Variants in PALS1 observed in about 807,000 individuals in gnomAD.
PALS1 encodes protein associated with LIN7 1, MAGUK p55 family member.
Under a neutral mutation model 78.9 loss-of-function variants are expected in PALS1, and 31 were observed. That is an observed-to-expected ratio of 0.39 (90% CI 0.30 to 0.53). PALS1 has a LOEUF of 0.53. Among genes scored for constraint, PALS1 ranks in the 20% least tolerant of loss-of-function variants. The probability of loss-of-function intolerance (pLI) is 0.67; values close to 1 mark genes in which losing one functional copy is unlikely to be tolerated. For missense variants in PALS1, 704 were observed against 826.5 expected, an observed-to-expected ratio of 0.85 and a Z score of 1.82; for synonymous variants, 276 against 270.9, an observed-to-expected ratio of 1.02 and a Z score of -0.18.
intron 9 of PALS1, among the ~76,000 whole-genome samples, chr14:67,315,229 C>A (rs1423221391): frequency 7.3e-6 from 1 of 137,856 alleles, no homozygotes; most frequent in Non-Finnish European, 1.6e-5. Flanking sequence ...ATTAAAATTA[C>A]TTTGTTCTTG....
rs546856864 is a variant in PALS1 at position 67,311,871 on chromosome 14, A to G, written c.1042-656A>G. On this transcript the variant is annotated intron_variant, in intron 8 of 14. Transcript: ENST00000261681. ...GATTTAGTTAATTTTAGTCGTTGATAGTGTGCTTGTTTCATGAACATATCC... is the reference window on the plus strand; with the variant it reads ...GATTTAGTTAATTTTAGTCGTTGATGGTGTGCTTGTTTCATGAACATATCC... The G allele has an allele frequency of 2.6e-5, 4 of 152,582 alleles. No individual in the cohort carries two copies. The South Asian group carries it at 8.3e-4, about 32-fold the overall frequency. The allele number at this position is 152,582 out of a possible 1,614,324, so 9.5% of individuals were successfully genotyped here.
chr14:67,269,194 A>G (rs2084374951), intron 1 of PALS1, among the ~76,000 whole-genome samples: 1 of 152,352 alleles, frequency 6.6e-6, no homozygotes, highest in East Asian at 1.9e-4. Context: ...TGTAGCATGT[A>G]TCACTACTTC....
At chr14:67,301,591 C>T (rs2084933451) in intron 5 of PALS1, 125 bp downstream of exon 5, 1 of 511,374 alleles carries the variant, frequency 2.0e-6, no homozygotes, top group Non-Finnish European at 3.3e-6. Context: ...TTTACAACCC[C>T]ATCTATAACA....
chr14:67,313,895 T>C (rs926499353), intron 9 of PALS1, among the ~76,000 whole-genome samples: 15 of 152,094 alleles, frequency 9.9e-5, no homozygotes, highest in African/African-American at 3.4e-4. Flanking sequence ...CCAAGTCTTA[T>C]TTGTTTTAAA....
Position 67,292,643 on chromosome 14 carries a change from A to C in PALS1, c.500A>C (p.Asn167Thr). Residue 167 changes from asparagine to threonine, a missense_variant, in exon 4 of 15, where the codon AAT (asparagine) becomes ACT (threonine). Asn to Thr is a moderately conservative substitution (Grantham distance 65). Transcript: ENST00000261681. Reference protein sequence around the residue: ...KDFQNAFKIHNAITVHMNKAS... With the variant: ...KDFQNAFKIHTAITVHMNKAS... ...TTCCAGAATGCATTTAAGATACACAATGCCATCACAGTACACATGAACAAG... is the reference window on the plus strand; with the variant it reads ...TTCCAGAATGCATTTAAGATACACACTGCCATCACAGTACACATGAACAAG... The C allele has an allele frequency of 6.2e-7, 1 of 1,613,768 alleles. No homozygotes were observed. Among genetic ancestry groups the C allele is most frequent in the Non-Finnish European group, 8.5e-7 (1 of 1,179,780 alleles).
intron 3 of PALS1, among the ~76,000 whole-genome samples, chr14:67,290,152 T>A (rs1429307856): frequency 6.6e-6 from 1 of 152,192 alleles, no homozygotes; most frequent in African/African-American, 2.4e-5. Context: ...TTTACAGGTT[T>A]AATTTTAGTC....
intron 3 of PALS1, among the ~76,000 whole-genome samples, chr14:67,281,526 T>G (rs2084609160): frequency 6.6e-6 from 1 of 152,102 alleles, no homozygotes; most frequent in Admixed American, 6.5e-5. Context: ...ATTTATTTAT[T>G]AAAATATTCT....
chr14:67,296,585 C>CAAAAAAA lies in PALS1; in HGVS notation c.576+3888_576+3894dup, dbSNP rs374329692. 2.5e-3 allele frequency among the ~76,000 whole-genome samples: 127 copies of CAAAAAAA among 51,010 alleles called. 6 individuals carry two copies. The highest frequency in any genetic ancestry group is 3.8e-3 in the African/African-American group (83 of 21,664). The allele number at this position is 51,010 out of a possible 152,430, so 33.5% of individuals were successfully genotyped here. A position where few individuals can be genotyped will look rare whatever the true frequency, so the allele number is the denominator to read the frequency against. ...TGGGCAACAGAGTGAAACTCTGTCT[C>CAAAAAAA]AAAAAAAAAAAAAAAAAAAAAAAAA... On this transcript the variant is annotated intron_variant, in intron 4 of 14. Coordinates refer to ENST00000261681, the MANE Select transcript of PALS1 (RefSeq NM_022474.4).
At chr14:67,300,476 C>T (rs924485795) in intron 4 of PALS1, among the ~76,000 whole-genome samples, 8 of 151,988 alleles carry the variant, frequency 5.3e-5, no homozygotes, top group Non-Finnish European at 1.0e-4. Context: ...TACAGGCACA[C>T]GCCACCACGC....
rs2085470079 is a variant in PALS1, at chr14:67,332,845, T to A, written c.1917T>A (p.Phe639Leu). The change falls in exon 15 of 15, where the codon TTT becomes TTA. Residue 639 changes from phenylalanine (F) to leucine (L), a missense_variant. Phe to Leu is a conservative substitution (Grantham distance 22). Transcript: ENST00000261681. ...TGGAGCAGAACAATGGCCACTACTT[T>A]GATACGGCAATTGTGAATTCCGATC... is the stretch of plus-strand genomic sequence containing the variant. ...REMEQNNGHY[F>L]DTAIVNSDLD... 1.2e-6 allele frequency: 2 copies of A among 1,613,946 alleles called. No individual in the cohort carries two copies. The highest frequency in any genetic ancestry group is 1.7e-6 in the Non-Finnish European group (2 of 1,179,934).
Position 67,279,395 on chromosome 14 carries a change from A to G in PALS1, c.225A>G (p.Lys75=). The G allele has an allele frequency of 6.2e-7, 1 of 1,613,948 alleles. No individual in the cohort carries two copies. The highest frequency in any genetic ancestry group is 8.5e-7 in the Non-Finnish European group (1 of 1,179,956). The part of the protein sequence containing the change: ...DMRRRREEEG[K]KQELDLNSSM... ...GGCGTAGGAGAGAGGAAGAAGGGAA[A>G]AAGCAAGAACTTGACCTTAATTCTT... Residue 75 remains lysine (K), a synonymous_variant, in exon 3 of 15, where the codon AAA becomes AAG. Coordinates refer to ENST00000261681, the MANE Select transcript of PALS1 (RefSeq NM_022474.4).
Position 67,312,593 on chromosome 14 carries a change from G to A in PALS1, c.1108G>A (p.Gly370Ser). ...DDPYVPCREL[G>S]LSFQKGDILH... ...CCCTTATGTTCCATGTCGAGAGTTA[G>A]GTCTGTCTTTTCAAAAAGGTGATAT... The change falls in exon 9 of 15, where the codon GGT becomes AGT. Residue 370 changes from glycine (G) to serine (S), a missense_variant. Gly to Ser is a moderately conservative substitution (Grantham distance 56, BLOSUM62 0). Coordinates refer to ENST00000261681, the MANE Select transcript of PALS1 (RefSeq NM_022474.4). 6.2e-7 allele frequency: 1 copy of A among 1,613,658 alleles called. No homozygotes were observed. The highest frequency in any genetic ancestry group is 8.5e-7 in the Non-Finnish European group (1 of 1,179,794).
chr14:67,309,983 A>T (rs931653341), intron 8 of PALS1, among the ~76,000 whole-genome samples: 1 of 151,480 alleles, frequency 6.6e-6, no homozygotes, highest in Non-Finnish European at 1.5e-5. Context: ...CCATTTTTAG[A>T]TTCTCAAGGT....
At chr14:67,244,714 A>T (rs1595555589) in intron 1 of PALS1, among the ~76,000 whole-genome samples, 1 of 152,270 alleles carries the variant, frequency 6.6e-6, no homozygotes, top group East Asian at 1.9e-4. Context: ...TCTTAAGTAG[A>T]TGGAATATGG....
chr14:67,249,576 C>T (rs1175382698), intron 1 of PALS1, among the ~76,000 whole-genome samples: 4 of 152,108 alleles, frequency 2.6e-5, no homozygotes, highest in Admixed American at 2.6e-4. Context: ...CAGGTTTTTA[C>T]AGTTTGTAGT....
At chr14:67,330,095 C>G (rs987392231) in intron 14 of PALS1, among the ~76,000 whole-genome samples, 1 of 149,938 alleles carries the variant, frequency 6.7e-6, no homozygotes, top group African/African-American at 2.4e-5. Context: ...GCTCTGCTGT[C>G]TGTCAGAAAG....
At position 67,317,476 on chromosome 14, in the gene PALS1, G is replaced by T. The variant is rs771219820; in HGVS notation, c.1366G>T (p.Asp456Tyr). Residue 456 changes from aspartate to tyrosine, a missense_variant, in exon 11 of 15, where the codon GAT becomes TAT. Physicochemically the swap from Asp to Tyr is radical, Grantham distance 160. Coordinates refer to ENST00000261681, the MANE Select transcript of PALS1 (RefSeq NM_022474.4). ...GGTTTTATATAATGCCAATAAAAAT[G>T]ATGGTAAGTTCTACTCTCAGGGATA... The part of the protein sequence containing the change: ...KKVLYNANKN[D>Y]DYDNEEILTY... The T allele has an allele frequency of 1.2e-6, 2 of 1,601,520 alleles. No homozygotes were observed. Among genetic ancestry groups the T allele is most frequent in the Non-Finnish European group, 1.7e-6 (2 of 1,169,628 alleles).
At chr14:67,320,484 C>A in intron 12 of PALS1, 87 bp downstream of exon 12, 1 of 1,271,658 alleles carries the variant, frequency 7.9e-7, no homozygotes, top group South Asian at 1.9e-5. Context: ...ATTTTTTATT[C>A]ATTTCATTAA....
chr14:67,276,367 T>C (rs1390836654), intron 2 of PALS1, among the ~76,000 whole-genome samples: 1 of 152,194 alleles, frequency 6.6e-6, no homozygotes, highest in Non-Finnish European at 1.5e-5. Context: ...CATGTGAGCC[T>C]GTCTGCCTGG....
Sources: gnomAD v4.1 joint callset for allele counts (sites outside exome capture counted in the v4.1 genomes callset) on GRCh38, gnomAD v4.1.1 for gene constraint, MANE v1.5 for transcripts, NCBI Gene and HGNC (gene_info 2026-07-23, HGNC 2026-07-21) for gene names.